Variants in PRKAR1A observed in about 807,000 individuals in gnomAD.
PRKAR1A encodes the protein cAMP-dependent protein kinase type I-alpha regulatory subunit.
A neutral mutation model predicts 52.0 loss-of-function variants in PRKAR1A; 3 were observed. That is an observed-to-expected ratio of 0.06 (90% CI 0.03 to 0.15). The LOEUF (loss-of-function observed/expected upper bound fraction) is 0.15, where lower values mean the gene tolerates loss of function less well. Ranked by LOEUF, PRKAR1A falls within the 10% of genes least tolerant of loss-of-function variation. The probability of loss-of-function intolerance (pLI) is 1.00; values close to 1 mark genes in which losing one functional copy is unlikely to be tolerated. For missense variants in PRKAR1A, 240 were observed against 477.4 expected (o/e 0.50, Z 4.63); for synonymous variants, 188 against 168.4 (o/e 1.12, Z -0.90).
chr17:68,528,218 A>C (rs2085851270), intron 8 of PRKAR1A, among the ~76,000 whole-genome samples: 1 of 152,230 alleles, frequency 6.6e-6, no homozygotes, highest in African/African-American at 2.4e-5. Context: ...TTTAGAGTAA[A>C]GCAGATTAAT....
chr17:68,450,167 A>AC, the PRKAR1A span, among the ~76,000 whole-genome samples: 1 of 151,896 alleles, frequency 6.6e-6, no homozygotes, highest in African/African-American at 2.4e-5. Flanking sequence ...ATGCTACAAA[A>AC]AAAACAAAAA....
the PRKAR1A span, chr17:68,426,253 G>GGGGGTGGGGGT: frequency 1.2e-6 from 1 of 841,018 alleles, no homozygotes; most frequent in East Asian, 3.4e-5. Flanking sequence ...GGGGAGCGGG[G>GGGGGTGGGGGT]GCTCAAATAA....
chr17:68,418,486 C>T, the PRKAR1A span, among the ~76,000 whole-genome samples: 26 of 152,136 alleles, frequency 1.7e-4, no homozygotes, highest in Admixed American at 3.3e-4. Context: ...GACTCTCAGC[C>T]ACAGGTGGAA....
intron 5 of PRKAR1A, among the ~76,000 whole-genome samples, chr17:68,524,520 C>CT (rs1263646056): frequency 6.6e-6 from 1 of 152,130 alleles, no homozygotes; most frequent in African/African-American, 2.4e-5. Flanking sequence ...AACTTTTTGA[C>CT]TATCTTCCTC....
chr17:68,525,451 G>A (rs148224042), intron 6 of PRKAR1A, among the ~76,000 whole-genome samples: 5 of 152,328 alleles, frequency 3.3e-5, no homozygotes, highest in East Asian at 3.9e-4. Context: ...TTAGCATAGT[G>A]CTCAGCACGG....
Position 68,541,127 on chromosome 17 carries a change from A to G in PRKAR1A, c.974-9957A>G, listed in dbSNP as rs1322405794. 5.4e-6 allele frequency: 5 copies of G among 919,874 alleles called. 1 individual carries two copies. The Admixed American group carries it at 1.0e-4, about 19-fold the overall frequency. 57.0% of individuals were successfully genotyped at this position (919,874 alleles called of 1,614,324 possible). On this transcript the variant is annotated intron_variant, in intron 11 of 11. Coordinates refer to the PRKAR1A transcript ENST00000585981. ...CCTGGGCAAGGACGCGTAAGGCTGC[A>G]TATTCCGTGTGGTGAGAAGGTCCTG...
At chr17:68,452,810 G>A in the PRKAR1A span, 1 of 1,063,728 alleles carries the variant, frequency 9.4e-7, no homozygotes, top group Middle Eastern at 3.0e-4. Flanking sequence ...GATGGCTAAG[G>A]AAGGGAAAAA....
the PRKAR1A span, chr17:68,435,820 C>T: frequency 2.1e-6 from 2 of 970,856 alleles, no homozygotes; most frequent in Non-Finnish European, 3.2e-6. Flanking sequence ...GTCCAGCTCC[C>T]TGTCTCTTCC....
the PRKAR1A span, among the ~76,000 whole-genome samples, chr17:68,458,166 C>G: frequency 6.6e-6 from 1 of 152,172 alleles, no homozygotes; most frequent in Admixed American, 6.5e-5. Flanking sequence ...TATCCATTGC[C>G]GAGCGGTTGA....
chr17:68,529,779 C>T (rs1258497589), intron 9 of PRKAR1A, 141 bp from the exon 10 acceptor site: 8 of 818,586 alleles, frequency 9.8e-6, no homozygotes, highest in Non-Finnish European at 1.7e-5. Flanking sequence ...GAAATTGAAG[C>T]TCATGTGGTG....
chr17:68,420,431 T>C, the PRKAR1A span: 1 of 1,614,114 alleles, frequency 6.2e-7, no homozygotes, highest in Non-Finnish European at 8.5e-7. Flanking sequence ...CTGTAATCCC[T>C]ACCAAATTGC....
At chr17:68,541,734 G>C in intron 11 of PRKAR1A, 1 of 432,036 alleles carries the variant, frequency 2.3e-6, no homozygotes, top group Admixed American at 3.7e-5. Flanking sequence ...CTCAAGGAGA[G>C]AGTCTGAGTC....
chr17:68,511,353 G>A (rs764132119), upstream of PRKAR1A, among the ~76,000 whole-genome samples: 1 of 151,942 alleles, frequency 6.6e-6, no homozygotes, highest in Admixed American at 6.6e-5. Context: ...AAATTGTACC[G>A]TCTCCCTTTT....
At chr17:68,429,965 T>C in the PRKAR1A span, 2 of 1,613,134 alleles carry the variant, frequency 1.2e-6, no homozygotes, top group Non-Finnish European at 1.7e-6. Flanking sequence ...GAAAGTGTGG[T>C]CTTGTTCAGA....
the PRKAR1A span, among the ~76,000 whole-genome samples, chr17:68,487,002 T>G: frequency 6.6e-6 from 1 of 152,036 alleles, no homozygotes; most frequent in Non-Finnish European, 1.5e-5. Flanking sequence ...GCCTCCCCAG[T>G]AGCTGGGATT....
intron 11 of PRKAR1A, among the ~76,000 whole-genome samples, chr17:68,544,549 G>C (rs1486222512): frequency 6.6e-6 from 1 of 152,176 alleles, no homozygotes; most frequent in African/African-American, 2.4e-5. Context: ...AGGCGATTTA[G>C]ATGTAAATAA....
In PRKAR1A at chr17:68,530,004, A is replaced by G. The variant is rs745972497; in HGVS notation, c.973+3A>G. On this transcript the variant is annotated splice_donor_region_variant and intron_variant, in intron 10 of 10. Coordinates refer to ENST00000589228, the MANE Select transcript of PRKAR1A (RefSeq NM_002734.5). ...ATTGGGGCCTTCTGATTATTTTGGT[A>G]TGTATGAATTCCCTCACAATAAATA... The G allele has an allele frequency of 1.2e-6, 2 of 1,612,250 alleles. No homozygotes were observed. Among genetic ancestry groups the G allele is most frequent in the South Asian group, 1.1e-5 (1 of 91,040 alleles).
the PRKAR1A span, among the ~76,000 whole-genome samples, chr17:68,495,132 T>A: frequency 2.5e-4 from 38 of 152,168 alleles, 2 homozygotes; most frequent in South Asian, 7.9e-3. Context: ...GCCCAAGAGG[T>A]CCTCCCGCTT....
At chr17:68,495,111 T>C in the PRKAR1A span, among the ~76,000 whole-genome samples, 1 of 152,118 alleles carries the variant, frequency 6.6e-6, no homozygotes, top group Admixed American at 6.6e-5. Context: ...ATTTTAGCCT[T>C]GAACTCCTGA....
Sources: allele counts gnomAD v4.1 joint callset (sites outside exome capture counted in the v4.1 genomes callset), GRCh38; gene constraint gnomAD v4.1.1; transcripts MANE v1.5; gene names NCBI Gene and HGNC (gene_info 2026-07-23, HGNC 2026-07-21).